SOX6: variants seen among roughly 807,000 people sequenced by gnomAD.
SOX6 encodes the protein transcription factor SOX-6.
In SOX6, 11 loss-of-function variants were observed where a neutral mutation model predicts 97.8. The observed-to-expected ratio is 0.11, with a 90% CI of 0.07 to 0.19. The LOEUF (loss-of-function observed/expected upper bound fraction) is 0.19. Among genes scored for constraint, SOX6 ranks in the 10% least tolerant of loss-of-function variants. The pLI is 1.00. For synonymous variants in SOX6, 360 were observed against 371.4 expected, an observed-to-expected ratio of 0.97 and a Z score of 0.35; for missense variants, 810 against 1,039.5, an observed-to-expected ratio of 0.78 and a Z score of 3.04.
intron 3 of SOX6, among the ~76,000 whole-genome samples, chr11:16,276,378 C>T (rs548425949): frequency 4.6e-5 from 7 of 152,316 alleles, no homozygotes; most frequent in African/African-American, 1.7e-4. Flanking sequence ...CCTTCAACTG[C>T]TTTCCACTTG....
chr11:16,718,075 C>A (rs1186098460), intron 2 of SOX6, among the ~76,000 whole-genome samples: 1 of 151,344 alleles, frequency 6.6e-6, no homozygotes, highest in East Asian at 1.9e-4. Context: ...ACATTTGTAG[C>A]CTTTATTTCT....
chr11:16,301,811 C>T, intron 3 of SOX6, among the ~76,000 whole-genome samples: 1 of 152,122 alleles, frequency 6.6e-6, no homozygotes, highest in East Asian at 1.9e-4. Flanking sequence ...ATCCATAAAA[C>T]GACAAGAAAA....
intron 12 of SOX6, among the ~76,000 whole-genome samples, chr11:16,033,675 A>C (rs910065434): frequency 1.3e-5 from 2 of 152,142 alleles, no homozygotes; most frequent in Admixed American, 6.6e-5. Flanking sequence ...GTTCGAGATG[A>C]GCCTGGCCAA....
At chr11:16,438,298 G>A (rs1229251946) in intron 1 of SOX6, among the ~76,000 whole-genome samples, 1 of 152,018 alleles carries the variant, frequency 6.6e-6, no homozygotes, top group Non-Finnish European at 1.5e-5. Flanking sequence ...TATAATAAGA[G>A]ATTTTTAAAA....
chr11:16,466,588 A>G (rs1326569103), intron 1 of SOX6, among the ~76,000 whole-genome samples: 1 of 151,990 alleles, frequency 6.6e-6, no homozygotes, highest in African/African-American at 2.4e-5. Flanking sequence ...TAAAGGTTTA[A>G]TATCCACCAT....
chr11:16,355,944 T>C (rs1466812320), intron 1 of SOX6, among the ~76,000 whole-genome samples, 150 bp downstream of exon 1: 1 of 152,106 alleles, frequency 6.6e-6, no homozygotes, highest in Non-Finnish European at 1.5e-5. Context: ...CAAAAATGCT[T>C]TTCAAGTTAT....
chr11:16,472,395 T>A (rs1469786498), intron 1 of SOX6, among the ~76,000 whole-genome samples: 1 of 152,196 alleles, frequency 6.6e-6, no homozygotes, highest in East Asian at 1.9e-4. Flanking sequence ...TAAGTTCGGT[T>A]CCTTAGAATC....
intron 4 of SOX6, among the ~76,000 whole-genome samples, chr11:16,568,707 C>G (rs1347057787): frequency 2.0e-5 from 3 of 151,998 alleles, no homozygotes; most frequent in Non-Finnish European, 4.4e-5. Context: ...ATCTGAGAAC[C>G]CTTAACTCAG....
intron 4 of SOX6, among the ~76,000 whole-genome samples, chr11:16,581,645 A>T (rs2133967248): frequency 6.6e-6 from 1 of 152,210 alleles, no homozygotes; most frequent in East Asian, 1.9e-4. Context: ...TACCCCATGA[A>T]ATGCCATAAT....
rs1380335481 is a variant in SOX6, at chr11:15,969,015, C to T, written c.*3794G>A. The T allele has an allele frequency of 6.6e-6, 1 of 151,928 alleles. No individual in the cohort carries two copies. Among genetic ancestry groups the T allele is most frequent in the Non-Finnish European group, 1.5e-5 (1 of 67,986 alleles). The allele number at this position is 151,928 out of a possible 1,614,324, so 9.4% of individuals were successfully genotyped here. ...AAAGCGACCTTTTTTTTCTCTCTCC[C>T]TTCCTACTTTTTTCCTTTCTTCCTT... On this transcript the variant is annotated 3_prime_UTR_variant, in exon 16 of 16. Coordinates refer to ENST00000683767, the MANE Select transcript of SOX6 (RefSeq NM_001367873.1).
intron 1 of SOX6, among the ~76,000 whole-genome samples, chr11:16,414,996 C>T (rs903638493): frequency 1.3e-5 from 2 of 152,032 alleles, no homozygotes; most frequent in African/African-American, 2.4e-5. Flanking sequence ...TCATTATATT[C>T]ACAATGTATG....
At chr11:16,150,588 G>A (rs377732542) in intron 6 of SOX6, among the ~76,000 whole-genome samples, 1 of 152,048 alleles carries the variant, frequency 6.6e-6, no homozygotes. Flanking sequence ...TCTGTCTCTC[G>A]GGCTGAAAGA....
intron 4 of SOX6, among the ~76,000 whole-genome samples, chr11:16,229,298 T>TATATTCATAG (rs1852779457): frequency 6.6e-6 from 1 of 152,050 alleles, no homozygotes; most frequent in Non-Finnish European, 1.5e-5. Flanking sequence ...TTTCTAGAAA[T>TATATTCATAG]ATATTCATAG....
At chr11:16,458,493 T>C (rs1405808122) in intron 1 of SOX6, among the ~76,000 whole-genome samples, 3 of 152,084 alleles carry the variant, frequency 2.0e-5, no homozygotes, top group Admixed American at 6.6e-5. Flanking sequence ...AAATAAGTAG[T>C]TCAGGAAGGC....
chr11:16,267,801 T>C (rs1399109583), intron 3 of SOX6, among the ~76,000 whole-genome samples: 1 of 151,488 alleles, frequency 6.6e-6, no homozygotes, highest in Admixed American at 6.6e-5. Context: ...AAGCTAAGTG[T>C]CCATCAATGG....
chr11:16,329,995 C>T (rs1183959430), intron 2 of SOX6, among the ~76,000 whole-genome samples: 1 of 152,156 alleles, frequency 6.6e-6, no homozygotes, highest in Non-Finnish European at 1.5e-5. Flanking sequence ...GAAAATATCC[C>T]TTTTTCCTTC....
chr11:16,303,489 T>C (rs1435495593), intron 3 of SOX6, among the ~76,000 whole-genome samples: 1 of 152,228 alleles, frequency 6.6e-6, no homozygotes, highest in Non-Finnish European at 1.5e-5. Flanking sequence ...CTATTTTTCT[T>C]CCAATATCAC....
At chr11:16,348,769 G>A (rs1276021186) in intron 1 of SOX6, among the ~76,000 whole-genome samples, 1 of 152,068 alleles carries the variant, frequency 6.6e-6, no homozygotes, top group Non-Finnish European at 1.5e-5. Context: ...GGTTGAAAAG[G>A]ACAGGCAGGA....
intron 1 of SOX6, among the ~76,000 whole-genome samples, chr11:16,343,898 A>G (rs1041833926): frequency 1.3e-5 from 2 of 151,892 alleles, no homozygotes; most frequent in African/African-American, 4.8e-5. Flanking sequence ...GTTGCAAATA[A>G]AACACAAGCT....
Sources: gnomAD v4.1 joint callset for allele counts (sites outside exome capture counted in the v4.1 genomes callset) on GRCh38, gnomAD v4.1.1 for gene constraint, MANE v1.5 for transcripts, NCBI Gene and HGNC (gene_info 2026-07-23, HGNC 2026-07-21) for gene names.